OTUD5: variants seen among roughly 807,000 people sequenced by gnomAD.
OTUD5 encodes the protein OTU deubiquitinase 5, also known as OTU domain-containing protein 5.
Under a neutral mutation model 36.3 loss-of-function variants are expected in OTUD5, and 2 were observed. The observed-to-expected ratio is 0.06, with a 90% CI of 0.02 to 0.17. The LOEUF is 0.17. Among genes scored for constraint, OTUD5 ranks in the 10% least tolerant of loss-of-function variants. OTUD5 has a pLI of 1.00. For missense variants in OTUD5, 233 were observed against 512.3 expected (o/e 0.45, Z 5.26); for synonymous variants, 234 against 214.9 (o/e 1.09, Z -0.78).
chrX:48,922,662 A>G lies in OTUD5; in HGVS notation c.*512T>C, dbSNP rs782250148. 3.6e-5 allele frequency: 27 copies of G among 753,268 alleles called. No homozygotes were observed. Among genetic ancestry groups the G allele is most frequent in the Admixed American group, 8.6e-5 (1 of 11,618 alleles). 62.1% of individuals were successfully genotyped at this position (753,268 alleles called of 1,213,427 possible). ...TATAAGATAAAAGTAATTTTAATAA[A>G]GAAAAAATTCAACATTGAAGGCTCA... On this transcript the variant is annotated 3_prime_UTR_variant, in exon 9 of 9. Coordinates refer to ENST00000376488, the MANE Select transcript of OTUD5 (RefSeq NM_001136157.2).
chrX:48,956,374 G>A (rs1015189404), intron 1 of OTUD5, among the ~76,000 whole-genome samples: 4 of 111,165 alleles, frequency 3.6e-5, no homozygotes, highest in Admixed American at 2.9e-4. Flanking sequence ...GGCCCCTGAA[G>A]ACAGACTTAG....
In OTUD5 at chrX:48,922,288, C is replaced by A. The variant is rs925228742; in HGVS notation, c.*886G>T. 8.9e-6 allele frequency: 1 copy of A among 112,901 alleles called. No homozygotes were observed. The highest frequency in any genetic ancestry group is 1.8e-5 in the Non-Finnish European group (1 of 54,058). 9.3% of individuals were successfully genotyped at this position (112,901 alleles called of 1,213,427 possible). The stretch of plus-strand genomic sequence containing the variant: ...GTCAACACCTGCAGGGCACGGGTGC[C>A]CCATCTGCCAAGGCTGCTCCCACAC... On this transcript the variant is annotated 3_prime_UTR_variant, in exon 9 of 9. Transcript: ENST00000376488.
chrX:48,957,713 C>T, upstream of OTUD5: 1 of 794,821 alleles, frequency 1.3e-6, no homozygotes, highest in African/African-American at 2.4e-5. Flanking sequence ...GTTCGAGAAC[C>T]CTCGGCGGCG....
At chrX:48,934,381 G>C in intron 5 of OTUD5, 83 bp downstream of exon 5, 1 of 730,274 alleles carries the variant, frequency 1.4e-6, no homozygotes, top group East Asian at 3.5e-5. Context: ...GGATATTTTT[G>C]TGAGTTAGGG....
intron 2 of OTUD5, among the ~76,000 whole-genome samples, chrX:48,938,548 G>T (rs782588845): frequency 2.2e-4 from 24 of 110,115 alleles, no homozygotes; most frequent in Non-Finnish European, 3.8e-5. Context: ...CAAAAAATTA[G>T]CCAGGCAGGG....
upstream of OTUD5, chrX:48,957,752 T>TGGCGGC (rs1465009394): frequency 2.5e-4 from 192 of 769,996 alleles, no homozygotes; most frequent in African/African-American, 3.0e-3. Context: ...GCGGCGGCGG[T>TGGCGGC]GGCGGCGCGC....
Position 48,922,047 on chromosome X carries a change from AAGG to A in OTUD5, c.*1124_*1126del, listed in dbSNP as rs1373156770. The A allele has an allele frequency of 9.3e-6, 1 of 107,385 alleles. No individual in the cohort carries two copies. The highest frequency in any genetic ancestry group is 1.9e-5 in the Non-Finnish European group (1 of 52,204). 8.8% of individuals were successfully genotyped at this position (107,385 alleles called of 1,213,427 possible). Reference sequence around the variant, plus strand: ...GCTTTTCCAGTGGCAATAGGTCCAGAAGGAGGTTTAATAAGCAGCAAATCAAAT... The same window carrying A: ...GCTTTTCCAGTGGCAATAGGTCCAGAAGGTTTAATAAGCAGCAAATCAAAT... On this transcript the variant is annotated 3_prime_UTR_variant, in exon 9 of 9. Transcript: ENST00000376488.
chrX:48,926,219 G>T (rs945802719), intron 5 of OTUD5, among the ~76,000 whole-genome samples, 169 bp from the exon 6 acceptor site: 1 of 111,284 alleles, frequency 9.0e-6, no homozygotes, highest in Non-Finnish European at 1.9e-5. Flanking sequence ...TGGGGACCAA[G>T]GGAAAGCAGG....
At chrX:48,950,310 G>T (rs984204336) in intron 1 of OTUD5, among the ~76,000 whole-genome samples, 1 of 110,462 alleles carries the variant, frequency 9.1e-6, no homozygotes, top group Non-Finnish European at 1.9e-5. Context: ...GACAGAAAAG[G>T]AAACCACATA....
At chrX:48,938,709 G>T (rs1461148833) in intron 2 of OTUD5, among the ~76,000 whole-genome samples, 2 of 108,494 alleles carry the variant, frequency 1.8e-5, no homozygotes, top group African/African-American at 3.4e-5. Flanking sequence ...AAAAAAAAAA[G>T]AATTCGTTTT....
chrX:48,939,473 T>C (rs2063883168), intron 2 of OTUD5, among the ~76,000 whole-genome samples: 1 of 111,726 alleles, frequency 9.0e-6, no homozygotes. Flanking sequence ...GAAATGCACA[T>C]GTGTATACAC....
chrX:48,945,355 C>G (rs782128894), intron 1 of OTUD5, among the ~76,000 whole-genome samples: 1 of 102,277 alleles, frequency 9.8e-6, no homozygotes, highest in South Asian at 4.9e-4. Flanking sequence ...ACTGCAAGCT[C>G]TGCCTCCCGG....
chrX:48,923,393 A>G lies in OTUD5; in HGVS notation c.1580-98T>C, dbSNP rs2063612057. On this transcript the variant is annotated intron_variant, in intron 8 of 8. Coordinates refer to ENST00000376488, the MANE Select transcript of OTUD5 (RefSeq NM_001136157.2). The stretch of plus-strand genomic sequence containing the variant: ...ATCTGGGGCTCTGGAGAAATCCCAT[A>G]GGGCCCTTCTCACTCCTTTCTCAAA... 8.6e-6 allele frequency: 6 copies of G among 695,354 alleles called. No homozygotes were observed. In the East Asian group the frequency reaches 2.1e-4, roughly 24 times the overall value. The allele number at this position is 695,354 out of a possible 1,213,427, so 57.3% of individuals were successfully genotyped here. A position where few individuals can be genotyped will look rare whatever the true frequency, so the allele number is the denominator to read the frequency against.
At chrX:48,936,623 T>A (rs782525390) in intron 2 of OTUD5, among the ~76,000 whole-genome samples, 1 of 111,535 alleles carries the variant, frequency 9.0e-6, no homozygotes, top group Non-Finnish European at 1.9e-5. Context: ...TGCATAGACT[T>A]CTGCCCGACC....
intron 1 of OTUD5, among the ~76,000 whole-genome samples, chrX:48,955,394 C>G (rs1247793470): frequency 9.0e-6 from 1 of 111,322 alleles, no homozygotes; most frequent in African/African-American, 3.3e-5. Flanking sequence ...ATCCATGCCC[C>G]AAGGGAAGAG....
At chrX:48,956,914 T>C in intron 1 of OTUD5, 63 bp downstream of exon 1, 1 of 1,048,397 alleles carries the variant, frequency 9.5e-7, no homozygotes, top group Non-Finnish European at 1.2e-6. Context: ...CTTCCTTGAG[T>C]CCCTTCACAG....
intron 1 of OTUD5, among the ~76,000 whole-genome samples, chrX:48,945,576 T>C (rs2064013342): frequency 9.0e-6 from 1 of 110,602 alleles, no homozygotes; most frequent in Non-Finnish European, 1.9e-5. Context: ...GGCCCAAAAG[T>C]CTTTATCTAA....
At chrX:48,943,707 G>A (rs372551482) in intron 2 of OTUD5, among the ~76,000 whole-genome samples, 2 of 111,725 alleles carry the variant, frequency 1.8e-5, no homozygotes, top group South Asian at 3.8e-4. Flanking sequence ...TGGGATCTGG[G>A]TATAAACCTA....
intron 2 of OTUD5, among the ~76,000 whole-genome samples, chrX:48,939,456 CA>C (rs1303566734): frequency 2.7e-5 from 3 of 111,805 alleles, no homozygotes; most frequent in Admixed American, 9.5e-5. Flanking sequence ...ACAGAGACAC[CA>C]GTATAGAAAT....
Sources: gnomAD v4.1 joint callset for allele counts (sites outside exome capture counted in the v4.1 genomes callset) on GRCh38, gnomAD v4.1.1 for gene constraint, MANE v1.5 for transcripts, NCBI Gene and HGNC (gene_info 2026-07-23, HGNC 2026-07-21) for gene names.